Variants in NDST4 observed in about 807,000 individuals in gnomAD.
The protein encoded by NDST4 is N-deacetylase and N-sulfotransferase 4.
A neutral mutation model predicts 100.8 loss-of-function variants in NDST4; 63 were observed. The ratio of observed to expected loss-of-function variants is 0.62; its 90% CI spans 0.51 to 0.77. The LOEUF (loss-of-function observed/expected upper bound fraction) is 0.77, where lower values mean the gene tolerates loss of function less well. NDST4 is among the 30% of genes least tolerant of loss of function. NDST4 has a pLI of 0.00. For synonymous variants in NDST4, 377 were observed against 361.8 expected, an observed-to-expected ratio of 1.04 and a Z score of -0.48; for missense variants, 943 against 1,018.4, an observed-to-expected ratio of 0.93 and a Z score of 1.01.
chr4:115,072,093 A>G (rs1729090353), intron 2 of NDST4, among the ~76,000 whole-genome samples: 1 of 152,124 alleles, frequency 6.6e-6, no homozygotes, highest in African/African-American at 2.4e-5. Flanking sequence ...GAGGAAGGCC[A>G]AACAAGACTA....
At chr4:114,867,806 T>C (rs1331787010) in intron 7 of NDST4, among the ~76,000 whole-genome samples, 1 of 152,060 alleles carries the variant, frequency 6.6e-6, no homozygotes. Flanking sequence ...AGGACTAAAC[T>C]GACAAGGATA....
intron 4 of NDST4, among the ~76,000 whole-genome samples, chr4:114,944,470 A>C (rs190581186): frequency 4.6e-5 from 7 of 152,268 alleles, no homozygotes; most frequent in African/African-American, 1.7e-4. Context: ...TAGTCCTAGG[A>C]TAATACTCTA....
Position 114,965,885 on chromosome 4 carries a change from T to C in NDST4, c.1221+4545A>G, listed in dbSNP as rs187734619. ...AAATTGGGAATAAGTTTTGGTAATT[T>C]TTTTTATTAGTGCTTTCATGTTGGC... On this transcript the variant is annotated intron_variant, in intron 4 of 13. Transcript: ENST00000264363. Among the ~76,000 whole-genome samples, 254 of 152,206 alleles carry C rather than the reference T, an allele frequency of 1.7e-3. 2 individuals are homozygous for C. Among genetic ancestry groups the C allele is most frequent in the Non-Finnish European group, 2.9e-3 (196 of 67,920 alleles).
chr4:114,913,749 A>C (rs952769986), intron 6 of NDST4, among the ~76,000 whole-genome samples: 40 of 147,066 alleles, frequency 2.7e-4, no homozygotes, highest in African/African-American at 1.0e-3. Flanking sequence ...AAAAAAAAAA[A>C]ACACTTTTAT....
chr4:114,929,062 G>A (rs367933847), intron 6 of NDST4, among the ~76,000 whole-genome samples: 9 of 102,306 alleles, frequency 8.8e-5, no homozygotes, highest in South Asian at 9.7e-4. Context: ...CCGTCCGTCC[G>A]TCCGTCCGTC....
At chr4:114,887,784 T>C (rs1458475707) in intron 6 of NDST4, among the ~76,000 whole-genome samples, 4 of 152,198 alleles carry the variant, frequency 2.6e-5, no homozygotes, top group Non-Finnish European at 5.9e-5. Context: ...CCCTTTAGAC[T>C]ACTGGTAAGC....
intron 4 of NDST4, among the ~76,000 whole-genome samples, chr4:114,945,597 G>A (rs1725845061): frequency 6.6e-6 from 1 of 152,200 alleles, no homozygotes; most frequent in Non-Finnish European, 1.5e-5. Context: ...ACTGCATAAA[G>A]TAATGCACTT....
chr4:114,987,409 G>A (rs1039605933), intron 2 of NDST4, among the ~76,000 whole-genome samples: 1 of 152,162 alleles, frequency 6.6e-6, no homozygotes, highest in Non-Finnish European at 1.5e-5. Flanking sequence ...TGCATTGCAT[G>A]TGGAAGCTCC....
At chr4:114,856,186 C>T (rs756257705) in intron 7 of NDST4, among the ~76,000 whole-genome samples, 16 of 152,002 alleles carry the variant, frequency 1.1e-4, no homozygotes, top group Non-Finnish European at 1.3e-4. Flanking sequence ...CCTCAGCCTC[C>T]GGATTATCTG....
intron 2 of NDST4, among the ~76,000 whole-genome samples, chr4:114,986,814 A>G (rs1308604490): frequency 8.1e-6 from 1 of 122,744 alleles, no homozygotes; most frequent in East Asian, 2.4e-4. Context: ...ATATATATAT[A>G]TATATATATA....
At chr4:115,033,942 T>TGTATTTTGACACTATCAATGTTTATC (rs1728177658) in intron 2 of NDST4, among the ~76,000 whole-genome samples, 2 of 152,150 alleles carry the variant, frequency 1.3e-5, no homozygotes, top group Non-Finnish European at 2.9e-5. Flanking sequence ...AGAAATTAAT[T>TGTATTTTGACACTATCAATGTTTATC]GTATTTTGAC....
At chr4:115,081,731 C>G (rs1164599562) in intron 1 of NDST4, among the ~76,000 whole-genome samples, 1 of 152,110 alleles carries the variant, frequency 6.6e-6, no homozygotes, top group East Asian at 1.9e-4. Context: ...TTTTATTTTA[C>G]CTTAATTAGT....
chr4:114,973,893 A>C (rs965508512), intron 3 of NDST4, among the ~76,000 whole-genome samples: 1 of 151,732 alleles, frequency 6.6e-6, no homozygotes, highest in African/African-American at 2.4e-5. Context: ...ATATGTGGGG[A>C]TAGAATAAAC....
At chr4:115,015,299 T>C (rs1401451055) in intron 2 of NDST4, among the ~76,000 whole-genome samples, 1 of 152,106 alleles carries the variant, frequency 6.6e-6, no homozygotes, top group Non-Finnish European at 1.5e-5. Context: ...TGGTTCTGTG[T>C]GAAATGCAGG....
At chr4:114,992,004 CA>C (rs1001899847) in intron 2 of NDST4, among the ~76,000 whole-genome samples, 3 of 151,626 alleles carry the variant, frequency 2.0e-5, no homozygotes, top group Non-Finnish European at 4.4e-5. Context: ...TCTTTTTCTT[CA>C]ATACATTGTT....
chr4:114,897,033 A>G (rs576506386), intron 6 of NDST4, among the ~76,000 whole-genome samples: 4 of 152,110 alleles, frequency 2.6e-5, no homozygotes, highest in Non-Finnish European at 4.4e-5. Context: ...AATATCCCCT[A>G]TGAGAGTGGT....
At chr4:114,958,803 T>C (rs886869126) in intron 4 of NDST4, among the ~76,000 whole-genome samples, 7 of 152,232 alleles carry the variant, frequency 4.6e-5, no homozygotes, top group African/African-American at 1.7e-4. Context: ...AAATGGGTTT[T>C]TCTTTTCTAC....
intron 13 of NDST4, among the ~76,000 whole-genome samples, chr4:114,828,959 AAC>A (rs996491700): frequency 6.6e-6 from 1 of 152,110 alleles, no homozygotes; most frequent in African/African-American, 2.4e-5. Flanking sequence ...CCAGATTGTA[AAC>A]ACTTCACATT....
chr4:114,867,959 A>G (rs1317629256), intron 7 of NDST4, among the ~76,000 whole-genome samples: 1 of 152,150 alleles, frequency 6.6e-6, no homozygotes, highest in Non-Finnish European at 1.5e-5. Flanking sequence ...AGATATTCAT[A>G]TTGCAGTTTT....
Sources: allele counts gnomAD v4.1 joint callset (sites outside exome capture counted in the v4.1 genomes callset), GRCh38; gene constraint gnomAD v4.1.1; transcripts MANE v1.5; gene names NCBI Gene and HGNC (gene_info 2026-07-23, HGNC 2026-07-21).